The following PPP2R2B variants were observed in gnomAD, a reference collection of about 807,000 sequenced individuals.
PPP2R2B encodes the protein serine/threonine-protein phosphatase 2A 55 kDa regulatory subunit B beta isoform.
PPP2R2B carries 5 observed loss-of-function variants against 46.0 expected under a neutral mutation model. The observed-to-expected ratio is 0.11, with a 90% CI of 0.06 to 0.23. PPP2R2B has a LOEUF of 0.23. Among genes scored for constraint, PPP2R2B ranks in the 10% least tolerant of loss-of-function variants. The pLI is 1.00. For missense variants in PPP2R2B, 367 were observed against 575.0 expected (o/e 0.64, Z 3.70); for synonymous variants, 215 against 206.7 (o/e 1.04, Z -0.34).
At chr5:146,775,817 G>A (rs1582077428) in intron 2 of PPP2R2B, among the ~76,000 whole-genome samples, 1 of 152,186 alleles carries the variant, frequency 6.6e-6, no homozygotes, top group East Asian at 1.9e-4. Context: ...AAAAGAAGTT[G>A]TATTTTTATG....
chr5:147,023,413 A>G (rs544444910), intron 1 of PPP2R2B, among the ~76,000 whole-genome samples: 152 of 152,240 alleles, frequency 1.0e-3, no homozygotes, highest in African/African-American at 3.6e-3. Context: ...TAAAAATGGA[A>G]TGAGCTCACC....
chr5:146,884,083 T>A (rs1212611062), intron 1 of PPP2R2B, among the ~76,000 whole-genome samples: 2 of 148,636 alleles, frequency 1.3e-5, no homozygotes, highest in Non-Finnish European at 3.0e-5. Flanking sequence ...ACTATGTAAA[T>A]TCAGGGTTTT....
chr5:146,890,432 A>T (rs2151428177), intron 1 of PPP2R2B, among the ~76,000 whole-genome samples: 1 of 152,312 alleles, frequency 6.6e-6, no homozygotes, highest in South Asian at 2.1e-4. Flanking sequence ...CTTTGGAGGA[A>T]ATCTGAAAAG....
chr5:146,829,740 A>G (rs957345329), intron 2 of PPP2R2B, among the ~76,000 whole-genome samples: 3 of 152,226 alleles, frequency 2.0e-5, no homozygotes, highest in Admixed American at 1.3e-4. Flanking sequence ...CAAAGAATCT[A>G]AAGTCTATCC....
intron 2 of PPP2R2B, among the ~76,000 whole-genome samples, chr5:146,792,722 G>A (rs2151295984): frequency 6.6e-6 from 1 of 152,308 alleles, no homozygotes; most frequent in African/African-American, 2.4e-5. Context: ...GAGCAGCCCA[G>A]GTAGAAGAAA....
intron 5 of PPP2R2B, among the ~76,000 whole-genome samples, chr5:146,666,252 C>T (rs1356176273): frequency 2.0e-5 from 3 of 152,080 alleles, no homozygotes; most frequent in Non-Finnish European, 2.9e-5. Context: ...CATATCTGTT[C>T]ATTCATTAAT....
intron 5 of PPP2R2B, among the ~76,000 whole-genome samples, chr5:146,657,684 A>AG (rs35859017): frequency 0.76 from 116,129 of 151,980 alleles, 45,766 homozygotes; most frequent in Non-Finnish European, 0.86. Context: ...CACTTCTGAG[A>AG]GGGACATTTG....
intron 1 of PPP2R2B, among the ~76,000 whole-genome samples, chr5:147,049,487 A>T (rs1756698091): frequency 6.6e-6 from 1 of 152,060 alleles, no homozygotes; most frequent in African/African-American, 2.4e-5. Context: ...TAGGTGAGAG[A>T]TTGGAGTTGG....
chr5:146,707,363 T>C, intron 2 of PPP2R2B: 2 of 823,120 alleles, frequency 2.4e-6, no homozygotes. Flanking sequence ...ACAGCATGGA[T>C]GTTGGGGTTC....
At position 147,079,318 on chromosome 5, in the gene PPP2R2B, C is replaced by T. The variant is rs200593451; in HGVS notation, c.50+1741G>A. ...CACAATAGGCAAATTATGAACTCAA[C>T]CTAAGTGTTCATAAACAGATGAATA... On this transcript the variant is annotated intron_variant, in intron 2 of 10. Transcript: ENST00000394413. Among the ~76,000 whole-genome samples, 5 of 149,330 alleles carry T rather than the reference C, an allele frequency of 3.3e-5. No homozygotes were observed. In the East Asian group the frequency reaches 9.8e-4, roughly 29 times the overall value.
At chr5:146,691,622 T>C (rs116410555) in intron 4 of PPP2R2B, among the ~76,000 whole-genome samples, 2,889 of 152,308 alleles carry the variant, frequency 0.019, 45 homozygotes, top group Non-Finnish European at 0.03. Flanking sequence ...ACTCTGGAAG[T>C]AGGTGCTATT....
chr5:147,037,437 T>C (rs913260125), intron 1 of PPP2R2B, among the ~76,000 whole-genome samples: 1 of 151,926 alleles, frequency 6.6e-6, no homozygotes, highest in African/African-American at 2.4e-5. Context: ...TATGTATATG[T>C]ATATATAGGT....
chr5:146,826,651 G>C (rs928026197), intron 2 of PPP2R2B, among the ~76,000 whole-genome samples: 2 of 152,030 alleles, frequency 1.3e-5, no homozygotes, highest in African/African-American at 4.8e-5. Context: ...ATGCATTCTG[G>C]TGGCGTTTTC....
chr5:146,628,287 C>A (rs1774195727), intron 7 of PPP2R2B, among the ~76,000 whole-genome samples: 1 of 152,136 alleles, frequency 6.6e-6, no homozygotes, highest in South Asian at 2.1e-4. Context: ...ATGCCATTTC[C>A]CCCTCAGCAT....
intron 2 of PPP2R2B, among the ~76,000 whole-genome samples, chr5:146,784,511 C>G (rs1297834897): frequency 1.3e-5 from 2 of 152,046 alleles, no homozygotes; most frequent in African/African-American, 4.8e-5. Context: ...CTATTCACAC[C>G]TTCAGTAAAT....
chr5:146,903,628 G>A (rs1204952006), intron 1 of PPP2R2B, among the ~76,000 whole-genome samples: 1 of 151,894 alleles, frequency 6.6e-6, no homozygotes, highest in Non-Finnish European at 1.5e-5. Context: ...AAACTCCTGG[G>A]TTTAAGTAAT....
intron 1 of PPP2R2B, among the ~76,000 whole-genome samples, chr5:146,976,108 TTTATTATTATTATTATTA>T (rs143212984): frequency 2.2e-4 from 29 of 130,698 alleles, no homozygotes; most frequent in African/African-American, 4.9e-4. Context: ...TTTTAAAAAA[TTTATTATTATTATTATTA>T]TTATTATTAT....
chr5:146,802,200 A>C (rs947658641), intron 2 of PPP2R2B, among the ~76,000 whole-genome samples: 2 of 152,162 alleles, frequency 1.3e-5, no homozygotes, highest in African/African-American at 4.8e-5. Context: ...CTTTTCTCGC[A>C]TCCAGAGTCT....
intron 2 of PPP2R2B, among the ~76,000 whole-genome samples, chr5:147,072,541 T>A (rs1757631298): frequency 6.6e-6 from 1 of 152,166 alleles, no homozygotes; most frequent in Non-Finnish European, 1.5e-5. Context: ...TAAATGGATA[T>A]GTTGTTAAAC....
Sources: gnomAD v4.1 joint callset for allele counts (sites outside exome capture counted in the v4.1 genomes callset) on GRCh38, gnomAD v4.1.1 for gene constraint, MANE v1.5 for transcripts, NCBI Gene and HGNC (gene_info 2026-07-23, HGNC 2026-07-21) for gene names.